REEP6: variants seen among roughly 807,000 people sequenced by gnomAD.
The protein encoded by REEP6 is receptor accessory protein 6, also known as receptor expression-enhancing protein 6.
Under a neutral mutation model 22.4 loss-of-function variants are expected in REEP6, and 19 were observed. That is an observed-to-expected ratio of 0.85 (90% CI 0.59 to 1.25). REEP6 has a LOEUF of 1.25. Among genes scored for constraint, REEP6 ranks in the 50% most tolerant of loss-of-function variants. The probability of loss-of-function intolerance (pLI) is 0.00; values close to 1 mark genes in which losing one functional copy is unlikely to be tolerated. For synonymous variants in REEP6, 121 were observed against 113.6 expected (o/e 1.06, Z -0.41); for missense variants, 273 against 251.9 (o/e 1.08, Z -0.57).
chr19:1,492,710 C>G (rs1006466981), intron 1 of REEP6, among the ~76,000 whole-genome samples: 2 of 151,450 alleles, frequency 1.3e-5, no homozygotes. Context: ...TGAGCACCTT[C>G]TGCAGGTGGA....
At chr19:1,495,988 A>G in intron 3 of REEP6, 2 of 525,142 alleles carry the variant, frequency 3.8e-6, no homozygotes, top group Non-Finnish European at 6.7e-6. Context: ...GCTTATTCCA[A>G]TAATATGTCT....
In REEP6 at chr19:1,491,841, C is replaced by T. The variant is rs1001348060; in HGVS notation, c.115+457C>T. Among the ~76,000 whole-genome samples, 5 of 152,188 alleles carry T rather than the reference C, an allele frequency of 3.3e-5. No homozygotes were observed. Among genetic ancestry groups the T allele is most frequent in the African/African-American group, 1.2e-4 (5 of 41,448 alleles). ...GCCTGCCCAGGACCCTTCTCCTTTCCTCCTCCTCTCCTGCCCTAGCTCACC... is the reference window on the plus strand; with the variant it reads ...GCCTGCCCAGGACCCTTCTCCTTTCTTCCTCCTCTCCTGCCCTAGCTCACC... On this transcript the variant is annotated intron_variant, in intron 1 of 4. Transcript: ENST00000233596. The surrounding 1 kb of genome is among the most constrained non-coding windows in gnomAD (Gnocchi z 5.4).
At chr19:1,494,885 C>T (rs1333603071) in intron 1 of REEP6, among the ~76,000 whole-genome samples, 1 of 152,156 alleles carries the variant, frequency 6.6e-6, no homozygotes, top group South Asian at 2.1e-4. Flanking sequence ...GGGGTTTCAC[C>T]GTGTTAGCCA....
Position 1,495,488 on chromosome 19 carries a change from C to CCAAG in REEP6, c.234_237dup (p.Asp80GlnfsTer336). On this transcript the variant is annotated frameshift_variant, in exon 3 of 5. Coordinates refer to ENST00000233596, the MANE Select transcript of REEP6 (RefSeq NM_138393.4). LOFTEE classifies it high-confidence loss of function. ...CTGCAGAATCAAAGCTATCGAGAGC[C>CCAAG]CAAGCAAGGACGACGACACTGTGTG... is the stretch of plus-strand genomic sequence containing the variant. 6.2e-7 allele frequency: 1 copy of CCAAG among 1,614,018 alleles called. No homozygotes were observed. Among genetic ancestry groups the CCAAG allele is most frequent in the South Asian group, 1.1e-5 (1 of 91,090 alleles).
At chr19:1,492,749 T>C (rs968265794) in intron 1 of REEP6, among the ~76,000 whole-genome samples, 3 of 152,106 alleles carry the variant, frequency 2.0e-5, no homozygotes, top group Non-Finnish European at 4.4e-5. Flanking sequence ...CCCCCAATTT[T>C]CCCACCATCT....
chr19:1,494,698 CTT>C (rs939160510), intron 1 of REEP6, among the ~76,000 whole-genome samples: 1 of 148,898 alleles, frequency 6.7e-6, no homozygotes, highest in Non-Finnish European at 1.5e-5. Flanking sequence ...GCAGATTACA[CTT>C]TTTTTTTTTT....
At chr19:1,493,534 C>G (rs2084982790) in intron 1 of REEP6, among the ~76,000 whole-genome samples, 1 of 152,154 alleles carries the variant, frequency 6.6e-6, no homozygotes, top group South Asian at 2.1e-4. Flanking sequence ...GCTGTCCAAG[C>G]TCTCTGGAGC....
At chr19:1,496,512 TC>T in intron 4 of REEP6, 59 bp downstream of exon 4, 4 of 1,576,004 alleles carry the variant, frequency 2.5e-6, no homozygotes, top group Non-Finnish European at 3.5e-6. Flanking sequence ...GACCTGTCTC[TC>T]TCCACCTTGC....
chr19:1,496,727 CGCGCGT>C (rs1233548452), intron 4 of REEP6: 11 of 658,388 alleles, frequency 1.7e-5, no homozygotes, highest in Non-Finnish European at 3.1e-5. Context: ...TGCGCGCGCG[CGCGCGT>C]GTGTTTGAGC....
At position 1,496,464 on chromosome 19, in the gene REEP6, G is replaced by C. The variant is rs774176028; in HGVS notation, c.517+11G>C. 2 of 1,607,482 alleles carry C rather than the reference G, an allele frequency of 1.2e-6. No individual in the cohort carries two copies. The highest frequency in any genetic ancestry group is 1.7e-6 in the Non-Finnish European group (2 of 1,175,748). On this transcript the variant is annotated intron_variant, in intron 4 of 4. Transcript: ENST00000233596. ...GAATAACCAGGAACGGTGGGTGCTC[G>C]CAGGCGCCTGGCTGCCTCAGGCCAT...
intron 3 of REEP6, 62 bp downstream of exon 3, chr19:1,495,669 C>A: frequency 1.9e-6 from 3 of 1,602,400 alleles, no homozygotes; most frequent in East Asian, 4.5e-5. Flanking sequence ...TCCTGGGAGG[C>A]GCTGGGGCCA....
chr19:1,496,034 G>T (rs757397980), intron 3 of REEP6: 5 of 560,380 alleles, frequency 8.9e-6, no homozygotes, highest in East Asian at 3.0e-5. Flanking sequence ...TGTGTCTGAC[G>T]GTGGAGACCC....
chr19:1,491,431 C>G lies in REEP6; in HGVS notation c.115+47C>G. 2.3e-6 allele frequency: 3 copies of G among 1,304,838 alleles called. No homozygotes were observed. The highest frequency in any genetic ancestry group is 3.0e-6 in the Non-Finnish European group (3 of 996,346). 80.8% of individuals were successfully genotyped at this position (1,304,838 alleles called of 1,614,324 possible). A position where few individuals can be genotyped will look rare whatever the true frequency, so the allele number is the denominator to read the frequency against. Reference sequence around the variant, plus strand: ...GTTTCGCCGACGGGCACACCGAGGCCATGGGCCTGGGGGTCGCAGACCGGA... The same window carrying G: ...GTTTCGCCGACGGGCACACCGAGGCGATGGGCCTGGGGGTCGCAGACCGGA... On this transcript the variant is annotated intron_variant, in intron 1 of 4. Coordinates refer to ENST00000233596, the MANE Select transcript of REEP6 (RefSeq NM_138393.4). The surrounding 1 kb of genome is among the most constrained non-coding windows in gnomAD (Gnocchi z 5.4).
chr19:1,494,751 C>G (rs1191222951), intron 1 of REEP6, among the ~76,000 whole-genome samples: 1 of 152,034 alleles, frequency 6.6e-6, no homozygotes, highest in Non-Finnish European at 1.5e-5. Context: ...ACGGCGCGAT[C>G]TTGGCTCACT....
chr19:1,494,172 G>A (rs2084987295), intron 1 of REEP6, among the ~76,000 whole-genome samples: 1 of 152,182 alleles, frequency 6.6e-6, no homozygotes. Flanking sequence ...TTACCAAGGG[G>A]GAAACTGAGG....
chr19:1,492,726 G>A (rs1250629784), intron 1 of REEP6, among the ~76,000 whole-genome samples: 1 of 145,842 alleles, frequency 6.9e-6, no homozygotes, highest in Non-Finnish European at 1.5e-5. Context: ...GTGGATCCCA[G>A]GAGTCCAGTT....
At position 1,497,481 on chromosome 19, in the gene REEP6, CG is replaced by C; in HGVS notation, c.*271del. 1.4e-6 allele frequency: 1 copy of C among 691,530 alleles called. No individual in the cohort carries two copies. 42.8% of individuals were successfully genotyped at this position (691,530 alleles called of 1,614,324 possible). A position where few individuals can be genotyped will look rare whatever the true frequency, so the allele number is the denominator to read the frequency against. ...CCTGTCCGGCAGGGCCCAGGGCCAG[CG>C]TCGGGCACAGGGCAGCTCCCACTGG... On this transcript the variant is annotated 3_prime_UTR_variant, in exon 5 of 5. Coordinates refer to ENST00000233596, the MANE Select transcript of REEP6 (RefSeq NM_138393.4). This position sits in a 1 kb window ranked among gnomAD's most constrained non-coding sequence, Gnocchi z 6.5.
intron 4 of REEP6, chr19:1,496,663 A>G (rs1441729654): frequency 1.4e-6 from 1 of 735,448 alleles, no homozygotes; most frequent in African/African-American, 1.7e-5. Context: ...ACTCCCCTGG[A>G]AGCTGACCGT....
At chr19:1,495,264 C>G in intron 1 of REEP6, 30 bp from the exon 2 acceptor site, 1 of 1,605,036 alleles carries the variant, frequency 6.2e-7, no homozygotes, top group Non-Finnish European at 8.5e-7. Flanking sequence ...GGGTCCCCAG[C>G]CCTGGCACAC....
Sources: gnomAD v4.1 joint callset for allele counts (sites outside exome capture counted in the v4.1 genomes callset) on GRCh38, gnomAD v4.1.1 for gene constraint, Gnocchi (gnomAD v3.1) non-coding constraint, MANE v1.5 for transcripts, NCBI Gene and HGNC (gene_info 2026-07-23, HGNC 2026-07-21) for gene names.